Variants in ADGRD1 observed in about 807,000 individuals in gnomAD.
ADGRD1 encodes adhesion G protein-coupled receptor D1.
Under a neutral mutation model 113.4 loss-of-function variants are expected in ADGRD1, and 77 were observed. The ratio of observed to expected loss-of-function variants is 0.68; its 90% CI spans 0.57 to 0.82. ADGRD1 has a LOEUF of 0.82. Ranked by LOEUF, ADGRD1 falls within the 40% of genes least tolerant of loss-of-function variation. The pLI is 0.00. For missense variants in ADGRD1, 1,036 were observed against 1,139.1 expected, an observed-to-expected ratio of 0.91 and a Z score of 1.30; for synonymous variants, 474 against 475.0, an observed-to-expected ratio of 1.00 and a Z score of 0.03.
chr12:130,972,378 C>T (rs978172308), intron 4 of ADGRD1, among the ~76,000 whole-genome samples: 1 of 152,118 alleles, frequency 6.6e-6, no homozygotes. Flanking sequence ...CATCAGATGG[C>T]CTTCTGTGAT....
intron 13 of ADGRD1, among the ~76,000 whole-genome samples, chr12:131,071,240 C>T (rs1151351): frequency 0.7 from 5,142 of 7,294 alleles, 2,221 homozygotes; most frequent in Non-Finnish European, 0.92. Flanking sequence ...TGGGGCTAAG[C>T]GAAAGGAGGT....
chr12:131,129,416 A>AGTGACAGGCCCGCCCTGCTGTCTGGGT (rs1484379091), intron 20 of ADGRD1, among the ~76,000 whole-genome samples: 1 of 125,910 alleles, frequency 7.9e-6, no homozygotes, highest in African/African-American at 3.1e-5. Flanking sequence ...TCTGGGTGTG[A>AGTGACAGGCCCGCCCTGCTGTCTGGGT]GTGACAGGCC....
intron 8 of ADGRD1, among the ~76,000 whole-genome samples, chr12:130,998,144 G>A (rs1323481027): frequency 3.9e-5 from 6 of 151,962 alleles, no homozygotes; most frequent in South Asian, 2.1e-4. Context: ...GCTTCGGCTC[G>A]GCATCAGAGG....
intron 5 of ADGRD1, among the ~76,000 whole-genome samples, chr12:130,982,291 C>T (rs1055839952): frequency 6.6e-6 from 1 of 152,150 alleles, no homozygotes; most frequent in Admixed American, 6.5e-5. Context: ...TCCGTCTGCC[C>T]GTGCACTGTG....
chr12:131,087,812 G>A (rs1204554656), intron 15 of ADGRD1, among the ~76,000 whole-genome samples: 1 of 152,212 alleles, frequency 6.6e-6, no homozygotes, highest in African/African-American at 2.4e-5. Context: ...CTTCGCGGCT[G>A]GGGAGGGCCA....
chr12:131,119,376 C>A (rs1173554723), intron 19 of ADGRD1, among the ~76,000 whole-genome samples: 3 of 152,212 alleles, frequency 2.0e-5, no homozygotes, highest in Non-Finnish European at 2.9e-5. Context: ...GACCACTGTT[C>A]TGGCCTTCCT....
In ADGRD1 at chr12:130,963,905, C is replaced by T. The variant is rs527404299; in HGVS notation, c.104-2558C>T. 2.2e-4 allele frequency among the ~76,000 whole-genome samples: 34 copies of T among 152,272 alleles called. No individual in the cohort carries two copies. The South Asian group carries it at 6.6e-3, about 30-fold the overall frequency. On this transcript the variant is annotated intron_variant, in intron 2 of 24. Coordinates refer to ENST00000261654, the MANE Select transcript of ADGRD1 (RefSeq NM_198827.5). The stretch of plus-strand genomic sequence containing the variant: ...GAAGGGGTGTACTGATTTGAACTCC[C>T]ATCAGAAATGTGGTGGAAGTTGCCA...
intron 13 of ADGRD1, among the ~76,000 whole-genome samples, chr12:131,049,261 A>C (rs1393675536): frequency 6.6e-6 from 1 of 152,162 alleles, no homozygotes; most frequent in Non-Finnish European, 1.5e-5. Flanking sequence ...CATGCCGCAC[A>C]TATGGTGGGA....
chr12:131,015,558 A>G (rs935114238), intron 13 of ADGRD1, among the ~76,000 whole-genome samples: 1 of 149,556 alleles, frequency 6.7e-6, no homozygotes, highest in Non-Finnish European at 1.5e-5. Flanking sequence ...GGAGTTGGAG[A>G]TGGAGATGGA....
rs142293942 is a variant in ADGRD1 at position 131,057,879 on chromosome 12, C to T, written c.1474-18922C>T. Among the ~76,000 whole-genome samples the T allele has an allele frequency of 6.6e-6, 1 of 152,164 alleles. No individual in the cohort carries two copies. The highest frequency in any genetic ancestry group is 6.5e-5 in the Admixed American group (1 of 15,282). On this transcript the variant is annotated intron_variant, in intron 13 of 24. Transcript: ENST00000261654. This position sits in a 1 kb window ranked among gnomAD's most constrained non-coding sequence, Gnocchi z 4.2. Reference sequence around the variant, plus strand: ...ACTGGTACCTCCCTAGTCAAGGACCCCATGTGCTTTCCTGCAGGACTGACC... The same window carrying T: ...ACTGGTACCTCCCTAGTCAAGGACCTCATGTGCTTTCCTGCAGGACTGACC...
Position 130,991,062 on chromosome 12 carries a change from C to T in ADGRD1, c.794C>T (p.Ser265Phe). The change falls in exon 7 of 25, where the codon TCC becomes TTC. Residue 265 changes from serine (S) to phenylalanine (F), a missense_variant. Physicochemically the swap from Ser to Phe is radical, Grantham distance 155. Coordinates refer to ENST00000261654, the MANE Select transcript of ADGRD1 (RefSeq NM_198827.5). Reference protein sequence around the residue: ...SSTLPSLFMTSTASPVMPTDA... With the variant: ...SSTLPSLFMTFTASPVMPTDA... Reference sequence around the variant, plus strand: ...ACGCTGCCAAGCCTCTTCATGACATCCACAGCAAGCCCCGTGGTGAGCAGA... The same window carrying T: ...ACGCTGCCAAGCCTCTTCATGACATTCACAGCAAGCCCCGTGGTGAGCAGA... 1 of 1,613,996 alleles carries T rather than the reference C, an allele frequency of 6.2e-7. No homozygotes were observed. The highest frequency in any genetic ancestry group is 8.5e-7 in the Non-Finnish European group (1 of 1,179,836).
chr12:131,119,297 G>T (rs1950535931), intron 19 of ADGRD1, among the ~76,000 whole-genome samples: 1 of 152,222 alleles, frequency 6.6e-6, no homozygotes, highest in Non-Finnish European at 1.5e-5. Flanking sequence ...GTTGGTGCAG[G>T]TTCCCTGAAG....
chr12:131,064,056 C>T (rs1297699641), intron 13 of ADGRD1, among the ~76,000 whole-genome samples: 2 of 152,192 alleles, frequency 1.3e-5, no homozygotes, highest in Non-Finnish European at 2.9e-5. Flanking sequence ...TATGAACTCA[C>T]TTAATAATTG....
chr12:130,979,807 A>G (rs1340077696), intron 4 of ADGRD1, among the ~76,000 whole-genome samples: 1 of 129,448 alleles, frequency 7.7e-6, no homozygotes. Context: ...CCAGACAGGC[A>G]GCTAGTGTCT....
chr12:130,990,790 A>T (rs1310790325), intron 6 of ADGRD1: 5 of 463,982 alleles, frequency 1.1e-5, no homozygotes, highest in African/African-American at 2.0e-5. Context: ...AAAGCGATTG[A>T]GAATACAAAT....
At chr12:131,125,702 G>A (rs2136073800) in intron 20 of ADGRD1, among the ~76,000 whole-genome samples, 1 of 152,158 alleles carries the variant, frequency 6.6e-6, no homozygotes, top group East Asian at 1.9e-4. Flanking sequence ...ACTTACAATG[G>A]GATTAAGTCC....
chr12:131,100,472 T>C (rs1252624988), intron 15 of ADGRD1, among the ~76,000 whole-genome samples: 3 of 151,936 alleles, frequency 2.0e-5, no homozygotes, highest in Admixed American at 6.6e-5. Flanking sequence ...GGTTGGTTGA[T>C]GGTGGAGTTG....
Position 130,966,402 on chromosome 12 carries a change from T to C in ADGRD1, c.104-61T>C, listed in dbSNP as rs1870993981. 3 of 1,077,318 alleles carry C rather than the reference T, an allele frequency of 2.8e-6. No homozygotes were observed. Among genetic ancestry groups the C allele is most frequent in the East Asian group, 2.4e-5 (1 of 42,464 alleles). The allele number at this position is 1,077,318 out of a possible 1,614,324, so 66.7% of individuals were successfully genotyped here. On this transcript the variant is annotated intron_variant, in intron 2 of 24. Coordinates refer to ENST00000261654, the MANE Select transcript of ADGRD1 (RefSeq NM_198827.5). This position sits in a 1 kb window ranked among gnomAD's most constrained non-coding sequence, Gnocchi z 4.6. ...CCATAATGTGTGTGCTAAGCGGTTC[T>C]TACCCTCTGGTTCTTTCCTCTCTAA...
At chr12:131,002,530 A>ATCTG in intron 9 of ADGRD1, 1 of 994,386 alleles carries the variant, frequency 1.0e-6, no homozygotes, top group Non-Finnish European at 1.2e-6. Context: ...GTGAAGGCAG[A>ATCTG]GCTCACTGGC....
Sources: allele counts gnomAD v4.1 joint callset (sites outside exome capture counted in the v4.1 genomes callset), GRCh38; gene constraint gnomAD v4.1.1; non-coding constraint Gnocchi (gnomAD v3.1); transcripts MANE v1.5; gene names NCBI Gene and HGNC (gene_info 2026-07-23, HGNC 2026-07-21).